TNFAIP8: variants seen among roughly 807,000 people sequenced by gnomAD.
The protein encoded by TNFAIP8 is TNF alpha induced protein 8.
Under a neutral mutation model 13.3 loss-of-function variants are expected in TNFAIP8, and 7 were observed. The observed-to-expected ratio is 0.52, with a 90% confidence interval of 0.30 to 0.99. The LOEUF is 0.99. TNFAIP8 is among the 50% of genes least tolerant of loss of function. The pLI is 0.07. For missense variants in TNFAIP8, 258 were observed against 236.9 expected (o/e 1.09, Z -0.58); for synonymous variants, 94 against 87.6 (o/e 1.07, Z -0.41).
intron 1 of TNFAIP8, among the ~76,000 whole-genome samples, chr5:119,315,151 C>T (rs546050563): frequency 6.6e-6 from 1 of 152,304 alleles, no homozygotes; most frequent in African/African-American, 2.4e-5. Flanking sequence ...GGTGCGATCT[C>T]AGCTCACTAC....
intron 1 of TNFAIP8, among the ~76,000 whole-genome samples, chr5:119,363,987 G>T (rs1319130205): frequency 6.6e-6 from 1 of 152,214 alleles, no homozygotes; most frequent in South Asian, 2.1e-4. Context: ...GTGCCAACTG[G>T]AAGAGATGTG....
chr5:119,290,909 A>G (rs1425534080), intron 1 of TNFAIP8, among the ~76,000 whole-genome samples: 1 of 152,146 alleles, frequency 6.6e-6, no homozygotes, highest in Non-Finnish European at 1.5e-5. Context: ...CTGGTCAGGT[A>G]GGAAGGGGTC....
At chr5:119,391,209 A>T (rs1256761001) in intron 1 of TNFAIP8, among the ~76,000 whole-genome samples, 1 of 152,100 alleles carries the variant, frequency 6.6e-6, no homozygotes, top group Non-Finnish European at 1.5e-5. Context: ...CCCAGTCTGG[A>T]TTTTGAAGCA....
chr5:119,301,556 T>C (rs1479397628), intron 1 of TNFAIP8, among the ~76,000 whole-genome samples: 1 of 152,252 alleles, frequency 6.6e-6, no homozygotes, highest in East Asian at 1.9e-4. Flanking sequence ...TCCTTCAGGC[T>C]GGAGACATTG....
intron 1 of TNFAIP8, among the ~76,000 whole-genome samples, chr5:119,320,885 T>TAA (rs142803638): frequency 2.0e-5 from 3 of 147,212 alleles, no homozygotes; most frequent in Middle Eastern, 3.2e-3. Flanking sequence ...CTTAACCTGC[T>TAA]AAAAAAAAAA....
At chr5:119,371,071 G>C (rs1050235160) in intron 1 of TNFAIP8, among the ~76,000 whole-genome samples, 2 of 152,132 alleles carry the variant, frequency 1.3e-5, no homozygotes, top group Non-Finnish European at 2.9e-5. Context: ...CAAAACATTT[G>C]TTTAAACATG....
intron 1 of TNFAIP8, among the ~76,000 whole-genome samples, chr5:119,330,503 T>G (rs1489276130): frequency 6.6e-6 from 1 of 152,162 alleles, no homozygotes; most frequent in Non-Finnish European, 1.5e-5. Flanking sequence ...TGTCTAGAGA[T>G]TGTTCTGGGA....
At chr5:119,371,326 T>C (rs1752061891) in intron 1 of TNFAIP8, among the ~76,000 whole-genome samples, 2 of 152,174 alleles carry the variant, frequency 1.3e-5, no homozygotes, top group Non-Finnish European at 2.9e-5. Flanking sequence ...AGCTGACAGC[T>C]TAAAAGTACT....
chr5:119,351,393 C>T (rs140601332), upstream of TNFAIP8, among the ~76,000 whole-genome samples: 1 of 129,122 alleles, frequency 7.7e-6, no homozygotes, highest in Non-Finnish European at 1.6e-5. Context: ...AACACCCATA[C>T]AACCATTCTG....
chr5:119,363,892 C>T (rs985473248), intron 1 of TNFAIP8, among the ~76,000 whole-genome samples: 2 of 152,174 alleles, frequency 1.3e-5, no homozygotes, highest in African/African-American at 2.4e-5. Flanking sequence ...GCATGACAGC[C>T]CCTCAGGTTC....
intron 1 of TNFAIP8, among the ~76,000 whole-genome samples, chr5:119,273,134 T>C (rs894384192): frequency 2.0e-5 from 3 of 152,262 alleles, no homozygotes; most frequent in African/African-American, 7.2e-5. Context: ...TGTGTGGCTT[T>C]GGACAATCTA....
chr5:119,291,101 T>A (rs1201837560), intron 1 of TNFAIP8, among the ~76,000 whole-genome samples: 3 of 152,204 alleles, frequency 2.0e-5, no homozygotes, highest in African/African-American at 7.2e-5. Context: ...ATTATCCAGG[T>A]AGTCAGCTCT....
intron 1 of TNFAIP8, among the ~76,000 whole-genome samples, chr5:119,279,517 T>C (rs1356105460): frequency 6.6e-6 from 1 of 152,218 alleles, no homozygotes; most frequent in Non-Finnish European, 1.5e-5. Flanking sequence ...CGACTGTTCA[T>C]TGCAATTCTG....
upstream of TNFAIP8, among the ~76,000 whole-genome samples, chr5:119,353,493 G>C (rs1226003830): frequency 6.6e-6 from 1 of 152,316 alleles, no homozygotes. Flanking sequence ...TTTAAAATAA[G>C]CTGAGCATTC....
upstream of TNFAIP8, among the ~76,000 whole-genome samples, chr5:119,353,280 C>T (rs1171553525): frequency 6.6e-6 from 1 of 152,130 alleles, no homozygotes; most frequent in African/African-American, 2.4e-5. Context: ...GTAAATTATC[C>T]CCTTTTGAAT....
upstream of TNFAIP8, chr5:119,355,194 G>A (rs1751337772): frequency 1.5e-6 from 1 of 670,390 alleles, no homozygotes; most frequent in African/African-American, 1.8e-5. Context: ...TTCAAATCCT[G>A]AAAACCTCCC....
chr5:119,317,534 T>C (rs1749934462), intron 1 of TNFAIP8, among the ~76,000 whole-genome samples: 1 of 150,398 alleles, frequency 6.6e-6, no homozygotes, highest in African/African-American at 2.4e-5. Context: ...GATGCTTTCA[T>C]AGCAGGTTAT....
intron 1 of TNFAIP8, among the ~76,000 whole-genome samples, chr5:119,383,776 G>C (rs1018180757): frequency 6.6e-6 from 1 of 152,094 alleles, no homozygotes; most frequent in African/African-American, 2.4e-5. Context: ...TTTCCATTCT[G>C]TATATTCTGA....
At chr5:119,287,071 A>G (rs1375717807) in intron 1 of TNFAIP8, among the ~76,000 whole-genome samples, 1 of 151,918 alleles carries the variant, frequency 6.6e-6, no homozygotes, top group Non-Finnish European at 1.5e-5. Context: ...TCTTTCCTGG[A>G]CATCATTAGC....
Sources: gnomAD v4.1 joint callset for allele counts (sites outside exome capture counted in the v4.1 genomes callset) on GRCh38, gnomAD v4.1.1 for gene constraint, MANE v1.5 for transcripts, NCBI Gene and HGNC (gene_info 2026-07-23, HGNC 2026-07-21) for gene names.